The following DTNA variants were observed in gnomAD, a reference collection of about 807,000 sequenced individuals.
DTNA encodes the protein dystrophin-related protein 3.
DTNA carries 43 observed loss-of-function variants against 100.7 expected under a neutral mutation model. The ratio of observed to expected loss-of-function variants is 0.43; its 90% CI spans 0.33 to 0.55. The LOEUF (loss-of-function observed/expected upper bound fraction) is 0.55. Among genes scored for constraint, DTNA ranks in the 20% least tolerant of loss-of-function variants. DTNA has a pLI of 0.04. For missense variants in DTNA, 798 were observed against 953.9 expected, an observed-to-expected ratio of 0.84 and a Z score of 2.15; for synonymous variants, 349 against 347.9, an observed-to-expected ratio of 1.00 and a Z score of -0.04.
chr18:34,815,745 A>T (rs1040852956), intron 6 of DTNA, 164 bp from the exon 7 acceptor site: 1 of 645,882 alleles, frequency 1.5e-6, no homozygotes, highest in Non-Finnish European at 2.7e-6. Flanking sequence ...CGATGTTTTC[A>T]GTTCTAAACT....
At position 34,765,935 on chromosome 18, in the gene DTNA, T is replaced by G. The variant is rs1250035773; in HGVS notation, c.68-26T>G. 3 of 1,610,254 alleles carry G rather than the reference T, an allele frequency of 1.9e-6. No individual in the cohort carries two copies. The African/African-American group carries it at 4.0e-5, about 22-fold the overall frequency. On this transcript the variant is annotated intron_variant, in intron 2 of 22. Transcript: ENST00000444659. ...TTTCTTTCTGCACACATGGCATACC[T>G]TATGTGTCCTTTTTCCCCGCACTAG...
chr18:34,804,444 T>C (rs956095614), intron 4 of DTNA, among the ~76,000 whole-genome samples: 1 of 152,120 alleles, frequency 6.6e-6, no homozygotes, highest in Non-Finnish European at 1.5e-5. Context: ...AAGCAAGAGC[T>C]GATGGAAGCA....
intron 1 of DTNA, among the ~76,000 whole-genome samples, chr18:34,681,129 TG>T (rs2078044198): frequency 1.3e-5 from 2 of 152,200 alleles, no homozygotes; most frequent in African/African-American, 4.8e-5. Context: ...CTTTCATCTT[TG>T]TAACCATTTC....
chr18:34,549,662 T>A (rs2045189195), intron 1 of DTNA, among the ~76,000 whole-genome samples: 1 of 152,102 alleles, frequency 6.6e-6, no homozygotes, highest in South Asian at 2.1e-4. Flanking sequence ...TCCTATCTTA[T>A]TTCACAATTG....
chr18:34,713,142 G>A (rs1043009755), intron 1 of DTNA, among the ~76,000 whole-genome samples: 12 of 151,894 alleles, frequency 7.9e-5, no homozygotes, highest in African/African-American at 2.9e-4. Flanking sequence ...AGAAAGTAAT[G>A]GTACCATGAT....
chr18:34,517,235 A>G (rs1454704613), intron 1 of DTNA, among the ~76,000 whole-genome samples: 1 of 152,084 alleles, frequency 6.6e-6, no homozygotes, highest in African/African-American at 2.4e-5. Context: ...AAGCTGCCCT[A>G]AATTTCTTTA....
At chr18:34,879,868 C>A in intron 20 of DTNA, 149 bp downstream of exon 20, 1 of 1,045,268 alleles carries the variant, frequency 9.6e-7, no homozygotes, top group Non-Finnish European at 1.4e-6. Context: ...TAGAAGGGTG[C>A]TACATTTAAA....
At chr18:34,587,914 C>T (rs1436488882) in intron 1 of DTNA, among the ~76,000 whole-genome samples, 1 of 152,092 alleles carries the variant, frequency 6.6e-6, no homozygotes, top group African/African-American at 2.4e-5. Flanking sequence ...CTAGACAAAA[C>T]AGAATGGCTG....
intron 1 of DTNA, among the ~76,000 whole-genome samples, chr18:34,751,341 G>A (rs566845278): frequency 1.1e-4 from 16 of 152,244 alleles, no homozygotes; most frequent in African/African-American, 3.4e-4. Context: ...GTGTTCCCAC[G>A]CCTACCCTCC....
Position 34,747,438 on chromosome 18 carries a change from G to A in DTNA, c.-1-8538G>A, listed in dbSNP as rs192927143. On this transcript the variant is annotated intron_variant, in intron 1 of 22. Transcript: ENST00000444659. ...ATGATTTCTGAGGTTTGGTGCACCC[G>A]TCACCTGAGCAGCAAACACTGTACC... is the stretch of plus-strand genomic sequence containing the variant. Among the ~76,000 whole-genome samples the A allele has an allele frequency of 9.2e-3, 1,404 of 151,994 alleles. 10 individuals carry two copies. Among genetic ancestry groups the A allele is most frequent in the Admixed American group, 0.017 (260 of 15,230 alleles).
At chr18:34,762,200 A>G (rs1057151408) in intron 2 of DTNA, among the ~76,000 whole-genome samples, 3 of 152,228 alleles carry the variant, frequency 2.0e-5, no homozygotes, top group Non-Finnish European at 4.4e-5. Flanking sequence ...ACGCTTTTTA[A>G]TAAGACTACC....
At chr18:34,611,079 T>C (rs571560522) in intron 1 of DTNA, among the ~76,000 whole-genome samples, 8 of 152,216 alleles carry the variant, frequency 5.3e-5, no homozygotes, top group Non-Finnish European at 8.8e-5. Context: ...TTTTATTTCT[T>C]GTATTCACCT....
At chr18:34,716,731 C>T (rs1028941995) in intron 1 of DTNA, among the ~76,000 whole-genome samples, 3 of 152,108 alleles carry the variant, frequency 2.0e-5, no homozygotes, top group Non-Finnish European at 2.9e-5. Flanking sequence ...TACTAACTAG[C>T]TGAGTTAATA....
chr18:34,596,196 T>C (rs2050570147), intron 1 of DTNA, among the ~76,000 whole-genome samples: 3 of 152,222 alleles, frequency 2.0e-5, no homozygotes, highest in Non-Finnish European at 4.4e-5. Context: ...TCTTTGCTGT[T>C]TTTTGTTTGG....
intron 1 of DTNA, among the ~76,000 whole-genome samples, chr18:34,594,375 C>T (rs2050161730): frequency 1.3e-5 from 2 of 152,218 alleles, no homozygotes; most frequent in Admixed American, 1.3e-4. Flanking sequence ...CTCTTAGAGA[C>T]AGCTCTTCCA....
intron 1 of DTNA, among the ~76,000 whole-genome samples, chr18:34,493,690 C>A (rs544647419): frequency 2.0e-5 from 3 of 148,928 alleles, no homozygotes; most frequent in Non-Finnish European, 3.0e-5. Context: ...CGCGCAGCCC[C>A]GGCTGCGCAG....
intron 3 of DTNA, among the ~76,000 whole-genome samples, chr18:34,792,560 T>C (rs2094796227): frequency 6.6e-6 from 1 of 152,184 alleles, no homozygotes; most frequent in Admixed American, 6.5e-5. Context: ...AAAAAATATA[T>C]ATACAGTGCA....
intron 17 of DTNA, among the ~76,000 whole-genome samples, chr18:34,865,646 A>C (rs907085004): frequency 1.3e-5 from 2 of 152,258 alleles, no homozygotes; most frequent in African/African-American, 4.8e-5. Flanking sequence ...ATAACCAAAA[A>C]TAAACTCTTT....
intron 1 of DTNA, among the ~76,000 whole-genome samples, chr18:34,590,771 C>T (rs999381889): frequency 2.6e-5 from 4 of 152,178 alleles, no homozygotes; most frequent in African/African-American, 9.7e-5. Flanking sequence ...CACATTAGTG[C>T]TTATGAAAGA....
Sources: allele counts gnomAD v4.1 joint callset (sites outside exome capture counted in the v4.1 genomes callset), GRCh38; gene constraint gnomAD v4.1.1; transcripts MANE v1.5; gene names NCBI Gene and HGNC (gene_info 2026-07-23, HGNC 2026-07-21).